ASNS: variants seen among roughly 807,000 people sequenced by gnomAD.
ASNS encodes the protein asparagine synthetase (glutamine-hydrolyzing).
Under a neutral mutation model 62.6 loss-of-function variants are expected in ASNS, and 37 were observed. The observed-to-expected ratio is 0.59, with a 90% CI of 0.45 to 0.78. The LOEUF (loss-of-function observed/expected upper bound fraction) is 0.78, where lower values mean the gene tolerates loss of function less well. Among genes scored for constraint, ASNS ranks in the 30% least tolerant of loss-of-function variants. The pLI is 0.00. For synonymous variants in ASNS, 207 were observed against 237.9 expected (o/e 0.87, Z 1.19); for missense variants, 520 against 682.4 (o/e 0.76, Z 2.65).
the ASNS span, among the ~76,000 whole-genome samples, chr7:97,886,888 G>A: frequency 3.9e-5 from 6 of 152,270 alleles, no homozygotes; most frequent in South Asian, 4.1e-4. Context: ...TATTTAGAAC[G>A]TTGGCTGATG....
intron 8 of ASNS, among the ~76,000 whole-genome samples, chr7:97,856,239 C>T (rs1279505916): frequency 6.6e-6 from 1 of 152,180 alleles, no homozygotes; most frequent in African/African-American, 2.4e-5. Context: ...TCAGTAGATA[C>T]ATTATCTACA....
At chr7:97,911,976 T>C in the ASNS span, among the ~76,000 whole-genome samples, 3 of 152,188 alleles carry the variant, frequency 2.0e-5, no homozygotes, top group Non-Finnish European at 4.4e-5. Context: ...CTGAGAGCTT[T>C]TGCAAACATA....
At chr7:97,886,010 T>C in the ASNS span, 2,346 of 608,290 alleles carry the variant, frequency 3.9e-3, 29 homozygotes, top group African/African-American at 0.039. Context: ...GGGTGCCCAA[T>C]GATGAGACCT....
chr7:97,927,081 T>A, the ASNS span, among the ~76,000 whole-genome samples: 83 of 123,158 alleles, frequency 6.7e-4, 3 homozygotes, highest in African/African-American at 3.2e-3. Flanking sequence ...CTTTTTTTTT[T>A]TTTTTTTTTT....
chr7:97,886,653 C>CA, the ASNS span, among the ~76,000 whole-genome samples: 1,083 of 145,158 alleles, frequency 7.5e-3, 9 homozygotes, highest in African/African-American at 0.024. Context: ...TAGTTAAAAA[C>CA]AAAAAAAAAA....
the ASNS span, chr7:97,898,572 AC>A: frequency 8.3e-6 from 5 of 601,756 alleles, no homozygotes; most frequent in Non-Finnish European, 1.5e-5. Context: ...TTTATTGACC[AC>A]TTCTTTCAAG....
the ASNS span, among the ~76,000 whole-genome samples, chr7:97,927,510 C>A: frequency 6.6e-6 from 1 of 152,264 alleles, no homozygotes; most frequent in African/African-American, 2.4e-5. Context: ...AAACCCCAGC[C>A]GCCTGGCTCC....
At position 97,852,141 on chromosome 7, in the gene ASNS, CTT is replaced by C; in HGVS notation, c.*116_*117del. The C allele has an allele frequency of 8.8e-7, 1 of 1,141,588 alleles. No homozygotes were observed. The highest frequency in any genetic ancestry group is 1.2e-6 in the Non-Finnish European group (1 of 800,962). The allele number at this position is 1,141,588 out of a possible 1,614,324, so 70.7% of individuals were successfully genotyped here. ...CTACAGCAATGGTTTAGATTTAGGA[CTT>C]TTATTTTTTTCACACCCAAGTTAGC... On this transcript the variant is annotated 3_prime_UTR_variant, in exon 13 of 13. Transcript: ENST00000394308.
At chr7:97,856,238 A>ACATT (rs1791431544) in intron 8 of ASNS, among the ~76,000 whole-genome samples, 1 of 152,240 alleles carries the variant, frequency 6.6e-6, no homozygotes, top group Admixed American at 6.5e-5. Context: ...CTCAGTAGAT[A>ACATT]CATTATCTAC....
At chr7:97,885,764 T>C in the ASNS span, 2 of 238,772 alleles carry the variant, frequency 8.4e-6, no homozygotes, top group Non-Finnish European at 1.7e-5. Context: ...AAATACCAGG[T>C]CAACATGTAT....
upstream of ASNS, among the ~76,000 whole-genome samples, chr7:97,872,869 G>T (rs1167365958): frequency 6.6e-6 from 1 of 152,258 alleles, no homozygotes; most frequent in Non-Finnish European, 1.5e-5. Context: ...GGGAAGCCAA[G>T]GCAAGAGGAT....
chr7:97,895,953 T>C, the ASNS span, among the ~76,000 whole-genome samples: 1 of 127,272 alleles, frequency 7.9e-6, no homozygotes, highest in Non-Finnish European at 1.6e-5. Flanking sequence ...GCTACAAAAA[T>C]AAAATACCTA....
At position 97,856,755 on chromosome 7, in the gene ASNS, T is replaced by C; in HGVS notation, c.965A>G (p.Gln322Arg). ...GGAAAATATGACTTCATCCAGAGCCTGAATGCCTTCCTCAGAGTTAAAAAG... is the reference window on the plus strand; with the variant it reads ...GGAAAATATGACTTCATCCAGAGCCCGAATGCCTTCCTCAGAGTTAAAAAG... ...EVLFNSEEGI[Q>R]ALDEVIFSLE... Residue 322 changes from glutamine (Q) to arginine (R), a missense_variant, in exon 8 of 13, where the codon CAG becomes CGG. Physicochemically the swap from Gln to Arg is conservative, Grantham distance 43. Coordinates refer to ENST00000394308, the MANE Select transcript of ASNS (RefSeq NM_001673.5). 2 of 1,613,496 alleles carry C rather than the reference T, an allele frequency of 1.2e-6. No individual in the cohort carries two copies. Among genetic ancestry groups the C allele is most frequent in the Non-Finnish European group, 1.7e-6 (2 of 1,179,542 alleles).
At chr7:97,872,547 G>C (rs1409277457), upstream of ASNS, 1 of 152,406 alleles carries the variant, frequency 6.6e-6, no homozygotes, top group Non-Finnish European at 1.5e-5. Flanking sequence ...AGGACTAAGT[G>C]GGGCGGCGGA....
In ASNS at chr7:97,856,702, G is replaced by A. The variant is rs1399973379; in HGVS notation, c.1018C>T (p.Arg340Cys). 2.1e-5 allele frequency: 34 copies of A among 1,606,320 alleles called. No homozygotes were observed. Among genetic ancestry groups the A allele is most frequent in the Non-Finnish European group, 2.7e-5 (32 of 1,176,684 alleles). The change falls in exon 8 of 13, where the codon CGT (arginine) becomes TGT (cysteine). Residue 340 changes from arginine to cysteine, a missense_variant. Transcript: ENST00000394308. ...CATAATACCTTACCTACTGAAGCAC[G>A]AACTGTTGTAATGTCATAAGTTTCC... ...SLETYDITTV[R>C]ASVGMYLISK...
the ASNS span, among the ~76,000 whole-genome samples, chr7:97,924,850 T>A: frequency 2.0e-5 from 3 of 152,230 alleles, no homozygotes; most frequent in South Asian, 6.2e-4. Context: ...TACAATGCTA[T>A]GCCCAGCCCA....
At chr7:97,853,240 C>T in intron 11 of ASNS, 25 bp from the exon 12 acceptor site, 1 of 1,606,236 alleles carries the variant, frequency 6.2e-7, no homozygotes. Flanking sequence ...AAAGGAGCAT[C>T]AGGTAAAAAT....
chr7:97,888,808 C>A, the ASNS span, among the ~76,000 whole-genome samples: 15 of 152,192 alleles, frequency 9.9e-5, no homozygotes, highest in African/African-American at 3.6e-4. Flanking sequence ...TCTAGAAATG[C>A]ATAGGAATAT....
At chr7:97,924,670 A>G in the ASNS span, among the ~76,000 whole-genome samples, 13 of 152,312 alleles carry the variant, frequency 8.5e-5, 1 homozygote, top group African/African-American at 2.9e-4. Flanking sequence ...TGTGGTGGGG[A>G]ACAGGCAAGT....
Sources: allele counts gnomAD v4.1 joint callset (sites outside exome capture counted in the v4.1 genomes callset), GRCh38; gene constraint gnomAD v4.1.1; transcripts MANE v1.5; gene names NCBI Gene and HGNC (gene_info 2026-07-23, HGNC 2026-07-21).